The following SLC24A2 variants were observed in gnomAD, a reference collection of about 807,000 sequenced individuals.
The protein encoded by SLC24A2 is sodium/potassium/calcium exchanger 2.
Under a neutral mutation model 62.0 loss-of-function variants are expected in SLC24A2, and 36 were observed. The ratio of observed to expected loss-of-function variants is 0.58; its 90% CI spans 0.44 to 0.77. SLC24A2 has a LOEUF of 0.77. Among genes scored for constraint, SLC24A2 ranks in the 30% least tolerant of loss-of-function variants. The pLI, the probability that SLC24A2 is intolerant of heterozygous loss-of-function variation, is 0.00. For missense variants in SLC24A2, 846 were observed against 817.9 expected, an observed-to-expected ratio of 1.03 and a Z score of -0.42; for synonymous variants, 358 against 294.0, an observed-to-expected ratio of 1.22 and a Z score of -2.23.
the SLC24A2 span, among the ~76,000 whole-genome samples, chr9:19,808,361 A>C: frequency 1.3e-5 from 2 of 152,224 alleles, no homozygotes; most frequent in East Asian, 1.9e-4. This position sits in a 1 kb window ranked among gnomAD's most constrained non-coding sequence, Gnocchi z 4.1. Flanking sequence ...GTCCCATGAA[A>C]GAAATGGGTG....
At chr9:19,971,625 G>A in the SLC24A2 span, among the ~76,000 whole-genome samples, 4 of 152,220 alleles carry the variant, frequency 2.6e-5, no homozygotes, top group African/African-American at 9.6e-5. Flanking sequence ...GATATGGCAG[G>A]GTCTCTCCTG....
the SLC24A2 span, among the ~76,000 whole-genome samples, chr9:20,162,818 G>C: frequency 6.6e-6 from 1 of 152,026 alleles, no homozygotes; most frequent in Admixed American, 6.6e-5. Context: ...ATGCAAGACT[G>C]GTTCAATATA....
At chr9:19,860,142 C>A in the SLC24A2 span, among the ~76,000 whole-genome samples, 1 of 152,270 alleles carries the variant, frequency 6.6e-6, no homozygotes, top group African/African-American at 2.4e-5. Flanking sequence ...GACATCATCC[C>A]TCCCCTAACC....
At chr9:19,995,979 G>T in the SLC24A2 span, among the ~76,000 whole-genome samples, 2 of 152,210 alleles carry the variant, frequency 1.3e-5, no homozygotes, top group African/African-American at 4.8e-5. Flanking sequence ...GTAAAGGGAA[G>T]GTTGGAAGAG....
chr9:20,255,578 TAGCTGTC>T, the SLC24A2 span, among the ~76,000 whole-genome samples: 247 of 152,264 alleles, frequency 1.6e-3, 7 homozygotes, highest in South Asian at 0.05. Context: ...AGCTCAGGTG[TAGCTGTC>T]AGCGAGGGCC....
rs938677055 is a variant in SLC24A2, at chr9:19,542,916, G to A, written c.1479+7221C>T. Among the ~76,000 whole-genome samples, 3 of 152,244 alleles carry A rather than the reference G, an allele frequency of 2.0e-5. No homozygotes were observed. In the East Asian group the frequency reaches 5.8e-4, roughly 29 times the overall value. On this transcript the variant is annotated intron_variant, in intron 8 of 10. Coordinates refer to ENST00000341998, the MANE Select transcript of SLC24A2 (RefSeq NM_020344.4). ...AATTTTCTTTTTTTGTTGTGTCTCT[G>A]GCAGGTTTTGGTATCAGGATGATGC...
At chr9:19,821,932 A>T in the SLC24A2 span, among the ~76,000 whole-genome samples, 1 of 152,102 alleles carries the variant, frequency 6.6e-6, no homozygotes. Flanking sequence ...ACTGTTAATA[A>T]AAAAAGAATG....
the SLC24A2 span, among the ~76,000 whole-genome samples, chr9:20,259,775 T>C: frequency 1.3e-5 from 2 of 152,166 alleles, no homozygotes; most frequent in Non-Finnish European, 2.9e-5. Context: ...AAAATTTAAT[T>C]GCCATTGTAA....
chr9:19,603,506 AG>A (rs138792573), intron 4 of SLC24A2, among the ~76,000 whole-genome samples: 1,550 of 151,898 alleles, frequency 0.01, 24 homozygotes, highest in African/African-American at 0.029. Context: ...GAGGGGAGGG[AG>A]GGGGGCACTA....
the SLC24A2 span, among the ~76,000 whole-genome samples, chr9:20,018,239 G>T: frequency 1.3e-5 from 2 of 152,162 alleles, no homozygotes; most frequent in African/African-American, 2.4e-5. Flanking sequence ...GAGCCACTGC[G>T]CCCGGCCTAC....
chr9:20,069,705 C>A, the SLC24A2 span, among the ~76,000 whole-genome samples: 1 of 152,204 alleles, frequency 6.6e-6, no homozygotes, highest in African/African-American at 2.4e-5. Flanking sequence ...CTTCTTTTTA[C>A]ATTTTATAGA....
intron 2 of SLC24A2, among the ~76,000 whole-genome samples, chr9:19,732,489 G>A (rs1308264046): frequency 6.6e-6 from 1 of 152,052 alleles, no homozygotes; most frequent in African/African-American, 2.4e-5. Flanking sequence ...CTTTTTGATT[G>A]ACAAATAATT....
At chr9:19,577,126 G>C (rs1563978336) in intron 5 of SLC24A2, 104 bp from the exon 6 acceptor site, 4 of 874,970 alleles carry the variant, frequency 4.6e-6, no homozygotes, top group Admixed American at 3.4e-5. Context: ...CTAATAGCGT[G>C]ACCACTCCAT....
chr9:19,779,751 A>G (rs1430526407), intron 2 of SLC24A2, among the ~76,000 whole-genome samples: 2 of 152,266 alleles, frequency 1.3e-5, no homozygotes, highest in South Asian at 2.1e-4. Context: ...TTATAACTCA[A>G]TAAAGCTGTT....
the SLC24A2 span, among the ~76,000 whole-genome samples, chr9:19,861,283 A>G: frequency 6.6e-6 from 1 of 152,228 alleles, no homozygotes; most frequent in Non-Finnish European, 1.5e-5. Flanking sequence ...AGAAGAAAAC[A>G]AAAGTCTCTG....
At chr9:19,955,205 T>A in the SLC24A2 span, among the ~76,000 whole-genome samples, 6 of 152,110 alleles carry the variant, frequency 3.9e-5, no homozygotes, top group African/African-American at 1.4e-4. Flanking sequence ...TAATGATGTA[T>A]CTTTATAAGT....
chr9:20,179,353 C>T, the SLC24A2 span, among the ~76,000 whole-genome samples: 1 of 152,158 alleles, frequency 6.6e-6, no homozygotes, highest in African/African-American at 2.4e-5. Flanking sequence ...AGAAGTCCCA[C>T]ATGCCCCAAT....
At chr9:19,642,026 G>A (rs941988728) in intron 2 of SLC24A2, among the ~76,000 whole-genome samples, 10 of 152,062 alleles carry the variant, frequency 6.6e-5, no homozygotes, top group East Asian at 1.9e-4. Context: ...AGTCTGACTC[G>A]GTGGAAGGAG....
the SLC24A2 span, among the ~76,000 whole-genome samples, chr9:20,258,817 T>TTATCTATCTATC: frequency 3.8e-5 from 4 of 104,740 alleles, no homozygotes; most frequent in African/African-American, 1.3e-4. Context: ...TCTATCTACC[T>TTATCTATCTATC]TATCTATCTA....
Sources: allele counts gnomAD v4.1 joint callset (sites outside exome capture counted in the v4.1 genomes callset), GRCh38; gene constraint gnomAD v4.1.1; non-coding constraint Gnocchi (gnomAD v3.1); transcripts MANE v1.5; gene names NCBI Gene and HGNC (gene_info 2026-07-23, HGNC 2026-07-21).